UNC13C: variants seen among roughly 807,000 people sequenced by gnomAD.
UNC13C encodes unc-13 homolog C.
UNC13C carries 174 observed loss-of-function variants against 245.4 expected under a neutral mutation model. The ratio of observed to expected loss-of-function variants is 0.71; its 90% CI spans 0.63 to 0.80. The LOEUF (loss-of-function observed/expected upper bound fraction) is 0.80, where lower values mean the gene tolerates loss of function less well. Ranked by LOEUF, UNC13C falls within the 30% of genes least tolerant of loss-of-function variation. The probability of loss-of-function intolerance (pLI) is 0.00; values close to 1 mark genes in which losing one functional copy is unlikely to be tolerated. For missense variants in UNC13C, 2,829 were observed against 2,602.9 expected, an observed-to-expected ratio of 1.09 and a Z score of -1.89; for synonymous variants, 992 against 895.1, an observed-to-expected ratio of 1.11 and a Z score of -1.93.
At chr15:54,019,902 T>C (rs1301198641) in intron 2 of UNC13C, among the ~76,000 whole-genome samples, 2 of 152,250 alleles carry the variant, frequency 1.3e-5, no homozygotes, top group Non-Finnish European at 2.9e-5. Flanking sequence ...TCACAGATTA[T>C]TGTGACTTGG....
Position 54,622,384 on chromosome 15 carries a change from C to T in UNC13C, c.6164C>T (p.Thr2055Ile). The change falls in exon 31 of 33, where the codon ACC (threonine) becomes ATC (isoleucine). Residue 2055 changes from threonine (T) to isoleucine (I), a missense_variant. Physicochemically the swap from Thr to Ile is moderately conservative, Grantham distance 89. Transcript: ENST00000260323. ...QISVHVDITA[T>I]PGTGDHKVTV... ...TCTGTTCATGTGGACATCACTGCCA[C>T]CCCAGGAACGGGAGATCATAAAGTC... 1 of 1,613,242 alleles carries T rather than the reference C, an allele frequency of 6.2e-7. No individual in the cohort carries two copies. Among genetic ancestry groups the T allele is most frequent in the Non-Finnish European group, 8.5e-7 (1 of 1,179,422 alleles).
the UNC13C span, among the ~76,000 whole-genome samples, chr15:53,903,245 C>G: frequency 6.6e-6 from 1 of 152,122 alleles, no homozygotes; most frequent in African/African-American, 2.4e-5. Flanking sequence ...TTGGCTTGAT[C>G]CCAGAAGATG....
At chr15:54,349,747 G>C (rs1294385067) in intron 17 of UNC13C, among the ~76,000 whole-genome samples, 1 of 152,120 alleles carries the variant, frequency 6.6e-6, no homozygotes, top group African/African-American at 2.4e-5. Context: ...AGTTCACCAA[G>C]GGCATGTTTA....
intron 2 of UNC13C, among the ~76,000 whole-genome samples, chr15:54,054,375 T>G (rs1314203032): frequency 6.6e-6 from 1 of 152,190 alleles, no homozygotes; most frequent in African/African-American, 2.4e-5. Flanking sequence ...TGTGACTGAT[T>G]TGTCTATGCA....
At chr15:54,583,526 T>C (rs192333213) in intron 30 of UNC13C, among the ~76,000 whole-genome samples, 1 of 152,328 alleles carries the variant, frequency 6.6e-6, no homozygotes, top group African/African-American at 2.4e-5. Context: ...TAGAAGAACC[T>C]AGAAATTTGA....
At chr15:54,116,813 C>T (rs185789608) in intron 2 of UNC13C, among the ~76,000 whole-genome samples, 2 of 152,060 alleles carry the variant, frequency 1.3e-5, no homozygotes, top group East Asian at 1.9e-4. Context: ...ATTGCTGAAC[C>T]ATATGGTAGT....
intron 4 of UNC13C, among the ~76,000 whole-genome samples, chr15:54,176,128 G>T (rs2033604963): frequency 6.6e-6 from 1 of 152,002 alleles, no homozygotes; most frequent in Non-Finnish European, 1.5e-5. Context: ...AAAACATCCT[G>T]AAAAGAATCT....
intron 29 of UNC13C, among the ~76,000 whole-genome samples, chr15:54,565,162 G>GT (rs946449611): frequency 1.9e-4 from 29 of 151,874 alleles, no homozygotes; most frequent in Admixed American, 5.3e-4. Flanking sequence ...CCCATTATCT[G>GT]TATTTTCAAA....
chr15:54,268,452 C>G (rs1275331703), intron 10 of UNC13C, among the ~76,000 whole-genome samples: 1 of 152,082 alleles, frequency 6.6e-6, no homozygotes, highest in Non-Finnish European at 1.5e-5. Flanking sequence ...CCTCATTATG[C>G]ATTACATTTT....
chr15:54,145,885 G>A (rs1189213565), intron 4 of UNC13C, among the ~76,000 whole-genome samples: 3 of 152,188 alleles, frequency 2.0e-5, no homozygotes, highest in South Asian at 2.1e-4. Flanking sequence ...AGCACATGCA[G>A]TATAAATGTC....
intron 30 of UNC13C, among the ~76,000 whole-genome samples, chr15:54,613,831 A>G (rs1900258568): frequency 1.3e-5 from 2 of 152,108 alleles, no homozygotes; most frequent in South Asian, 4.1e-4. Flanking sequence ...TCTAGTACGT[A>G]CTAGGAACTG....
chr15:54,270,836 A>G lies in UNC13C; in HGVS notation c.3818+5340A>G, dbSNP rs184511025. Among the ~76,000 whole-genome samples, 21 of 152,222 alleles carry G rather than the reference A, an allele frequency of 1.4e-4. No homozygotes were observed. In the East Asian group the frequency reaches 3.5e-3, roughly 25 times the overall value. ...AGTAGTGCCCTGTTGTGAAGCCACAAATAAGATACAAGCAGAAATTGGGAA... is the reference window on the plus strand; with the variant it reads ...AGTAGTGCCCTGTTGTGAAGCCACAGATAAGATACAAGCAGAAATTGGGAA... On this transcript the variant is annotated intron_variant, in intron 10 of 32. Transcript: ENST00000260323.
chr15:54,616,527 G>A (rs1900443828), intron 30 of UNC13C, among the ~76,000 whole-genome samples: 1 of 152,018 alleles, frequency 6.6e-6, no homozygotes, highest in Non-Finnish European at 1.5e-5. Context: ...CTGACCCTGT[G>A]TAGGCCTGGG....
At chr15:53,888,321 T>C in the UNC13C span, among the ~76,000 whole-genome samples, 1 of 152,364 alleles carries the variant, frequency 6.6e-6, no homozygotes, top group East Asian at 1.9e-4. Flanking sequence ...TGAACATTTT[T>C]TCATATGTTT....
In UNC13C at chr15:54,294,011, C is replaced by G. The variant is rs540590852; in HGVS notation, c.3935C>G (p.Thr1312Arg). 12 of 1,594,604 alleles carry G rather than the reference C, an allele frequency of 7.5e-6. No homozygotes were observed. The highest frequency in any genetic ancestry group is 1.0e-5 in the Non-Finnish European group (12 of 1,171,718). The change falls in exon 11 of 33, where the codon ACA becomes AGA. Residue 1312 changes from threonine (T) to arginine (R), a missense_variant. Thr to Arg is a moderately conservative substitution (Grantham distance 71). Coordinates refer to ENST00000260323, the MANE Select transcript of UNC13C (RefSeq NM_001080534.3). The stretch of plus-strand genomic sequence containing the variant: ...GAGTCAGATGATTTTCTGGGACAAA[C>G]AATTGTAGAAGTGAGGACCTTGAGT... ...KKESDDFLGQTIVEVRTLSGE... is the reference protein window; with the variant it reads ...KKESDDFLGQRIVEVRTLSGE...
At chr15:54,079,022 T>C (rs1349682022) in intron 2 of UNC13C, among the ~76,000 whole-genome samples, 2 of 152,190 alleles carry the variant, frequency 1.3e-5, no homozygotes, top group Non-Finnish European at 2.9e-5. Flanking sequence ...TTTAGTCTTC[T>C]GCATGTGTCT....
the UNC13C span, among the ~76,000 whole-genome samples, chr15:53,879,971 GTA>G: frequency 6.6e-6 from 1 of 151,028 alleles, no homozygotes; most frequent in Non-Finnish European, 1.5e-5. Context: ...GTGTGTGTGT[GTA>G]TATACATATA....
At chr15:54,412,049 A>C in intron 18 of UNC13C, among the ~76,000 whole-genome samples, 1 of 152,072 alleles carries the variant, frequency 6.6e-6, no homozygotes, top group East Asian at 1.9e-4. Flanking sequence ...ATGCTGCATT[A>C]GTCCATTTTG....
At chr15:53,902,322 A>C in the UNC13C span, among the ~76,000 whole-genome samples, 1 of 152,162 alleles carries the variant, frequency 6.6e-6, no homozygotes, top group Non-Finnish European at 1.5e-5. Context: ...AGATTGAAGG[A>C]GGTTGCAGCC....
Sources: allele counts gnomAD v4.1 joint callset (sites outside exome capture counted in the v4.1 genomes callset), GRCh38; gene constraint gnomAD v4.1.1; transcripts MANE v1.5; gene names NCBI Gene and HGNC (gene_info 2026-07-23, HGNC 2026-07-21).